AFF1: variants seen among roughly 807,000 people sequenced by gnomAD.
AFF1 encodes ALF transcription elongation factor 1.
A neutral mutation model predicts 121.7 loss-of-function variants in AFF1; 48 were observed. That is an observed-to-expected ratio of 0.39 (90% CI 0.31 to 0.50). AFF1 has a LOEUF of 0.50. AFF1 is among the 20% of genes least tolerant of loss of function. The probability of loss-of-function intolerance (pLI) is 0.76; values close to 1 mark genes in which losing one functional copy is unlikely to be tolerated. For synonymous variants in AFF1, 613 were observed against 563.0 expected (o/e 1.09, Z -1.26); for missense variants, 1,523 against 1,511.7 (o/e 1.01, Z -0.12).
intron 2 of AFF1, among the ~76,000 whole-genome samples, chr4:87,037,514 T>C (rs1729686912): frequency 6.6e-6 from 1 of 152,102 alleles, no homozygotes; most frequent in South Asian, 2.1e-4. Context: ...GGTTTCACCA[T>C]GTTCGCCAGG....
At chr4:87,036,563 G>A (rs78277892) in intron 2 of AFF1, among the ~76,000 whole-genome samples, 67 of 152,184 alleles carry the variant, frequency 4.4e-4, no homozygotes, top group African/African-American at 1.4e-3. Context: ...CCTCTGTCAT[G>A]CTACTTTTCT....
At chr4:86,998,829 C>T (rs948869607) in intron 2 of AFF1, among the ~76,000 whole-genome samples, 3 of 152,154 alleles carry the variant, frequency 2.0e-5, no homozygotes, top group Admixed American at 1.3e-4. Flanking sequence ...AGAGAAGTAT[C>T]TAAAGTGAGC....
At chr4:86,944,095 G>T (rs1334143629) in intron 1 of AFF1, among the ~76,000 whole-genome samples, 1 of 146,668 alleles carries the variant, frequency 6.8e-6, no homozygotes, top group Non-Finnish European at 1.5e-5. Context: ...AGTGAGCCAT[G>T]ACTGTGCCAC....
chr4:87,011,543 C>T (rs1475571608), intron 2 of AFF1, among the ~76,000 whole-genome samples: 1 of 151,994 alleles, frequency 6.6e-6, no homozygotes, highest in Non-Finnish European at 1.5e-5. Flanking sequence ...TTCATGAATG[C>T]AAAGCAGCTT....
chr4:86,949,918 C>T (rs1037345553), intron 2 of AFF1: 13 of 1,613,918 alleles, frequency 8.1e-6, no homozygotes, highest in African/African-American at 2.7e-5. Context: ...GGATCTTCCG[C>T]GTCTTGGACC....
chr4:87,133,428 A>G (rs1426888009), intron 19 of AFF1, among the ~76,000 whole-genome samples: 1 of 152,210 alleles, frequency 6.6e-6, no homozygotes, highest in Non-Finnish European at 1.5e-5. Flanking sequence ...AGAGACTCCC[A>G]TATGGCCTCT....
At position 87,020,356 on chromosome 4, in the gene AFF1, G is replaced by T. The variant is rs1727772766; in HGVS notation, c.39-25810G>T. ...TTTTCAGAGTCCAGAGATAAATGTGGTTTTGTATCTTATTTCTGTATTCTT... is the reference window on the plus strand; with the variant it reads ...TTTTCAGAGTCCAGAGATAAATGTGTTTTTGTATCTTATTTCTGTATTCTT... On this transcript the variant is annotated intron_variant, in intron 2 of 20. Coordinates refer to ENST00000395146, the MANE Select transcript of AFF1 (RefSeq NM_001166693.3). Among the ~76,000 whole-genome samples, 4 of 152,196 alleles carry T rather than the reference G, an allele frequency of 2.6e-5. No individual in the cohort carries two copies. In the South Asian group the frequency reaches 8.3e-4, roughly 31 times the overall value.
At chr4:87,069,816 A>ATT (rs751029258) in intron 4 of AFF1, among the ~76,000 whole-genome samples, 24,074 of 121,190 alleles carry the variant, frequency 0.2, 3,273 homozygotes, top group Middle Eastern at 0.27. Context: ...ATCACTCAGG[A>ATT]TTTTTTTTTT....
At chr4:86,942,261 T>C (rs1720519022) in intron 1 of AFF1, among the ~76,000 whole-genome samples, 1 of 152,212 alleles carries the variant, frequency 6.6e-6, no homozygotes, top group African/African-American at 2.4e-5. Flanking sequence ...GTACGATATT[T>C]TACCAGCCCA....
In AFF1 at chr4:87,134,536, C is replaced by T; in HGVS notation, c.3377C>T (p.Ser1126Leu). 1 of 1,613,970 alleles carries T rather than the reference C, an allele frequency of 6.2e-7. No homozygotes were observed. Among genetic ancestry groups the T allele is most frequent in the Non-Finnish European group, 8.5e-7 (1 of 1,179,936 alleles). Residue 1126 changes from serine to leucine, a missense_variant, in exon 20 of 21, where the codon TCA becomes TTA. Around this residue, in one of 5 missense-constraint regions of AFF1, gnomAD observed 241 missense variants for 265.2 expected, o/e 0.91. Transcript: ENST00000395146. ...PSPASSVGSQ[S>L]SAGSVGSSGV... Reference sequence around the variant, plus strand: ...CCTGCCAGCTCCGTAGGGTCCCAGTCAAGTGCTGGCAGTGTGGGGAGCAGT... The same window carrying T: ...CCTGCCAGCTCCGTAGGGTCCCAGTTAAGTGCTGGCAGTGTGGGGAGCAGT...
chr4:87,127,663 T>G lies in AFF1; in HGVS notation c.2924T>G (p.Met975Arg). 6.2e-7 allele frequency: 1 copy of G among 1,614,130 alleles called. No individual in the cohort carries two copies. Among genetic ancestry groups the G allele is most frequent in the Non-Finnish European group, 8.5e-7 (1 of 1,180,014 alleles). Residue 975 changes from methionine (M) to arginine (R), a missense_variant, in exon 16 of 21, where the codon ATG becomes AGG. By Grantham distance (91) the Met-to-Arg change is moderately conservative. This residue lies in a region of AFF1 where 905 missense variants were observed against 842.5 expected (regional missense o/e 1.07). Transcript: ENST00000395146. ...KFDKQQADLH[M>R]REAKKMKQKA... ...TTCAGACAACAAGCAGACCTTCACATGAGGGAGGCAAAAAAGATGAAGCAG... is the reference window on the plus strand; with the variant it reads ...TTCAGACAACAAGCAGACCTTCACAGGAGGGAGGCAAAAAAGATGAAGCAG...
At chr4:87,059,015 T>G (rs1230834658) in intron 4 of AFF1, among the ~76,000 whole-genome samples, 1 of 152,222 alleles carries the variant, frequency 6.6e-6, no homozygotes, top group African/African-American at 2.4e-5. Flanking sequence ...TCTTCTACCT[T>G]TTTGTACGTG....
At chr4:86,982,878 A>G (rs11930536) in intron 2 of AFF1, among the ~76,000 whole-genome samples, 4,608 of 139,348 alleles carry the variant, frequency 0.033, 382 homozygotes, top group African/African-American at 0.12. Context: ...AAAAAAAAGG[A>G]AGCTTGTTTG....
At chr4:86,985,167 T>TAAAA (rs1724113403) in intron 2 of AFF1, among the ~76,000 whole-genome samples, 1 of 102,134 alleles carries the variant, frequency 9.8e-6, no homozygotes, top group Non-Finnish European at 1.9e-5. Context: ...ATATAATATA[T>TAAAA]ATAATATGTA....
At chr4:87,008,311 CTT>C (rs1726378414) in intron 2 of AFF1, among the ~76,000 whole-genome samples, 1 of 152,148 alleles carries the variant, frequency 6.6e-6, no homozygotes, top group African/African-American at 2.4e-5. Context: ...TCTCAGAAGA[CTT>C]AACACGTCTG....
intron 12 of AFF1, among the ~76,000 whole-genome samples, chr4:87,117,152 A>T (rs767275251): frequency 6.6e-6 from 1 of 152,210 alleles, no homozygotes; most frequent in Non-Finnish European, 1.5e-5. Flanking sequence ...GTGCAAATCT[A>T]GAAGTGCAGC....
At chr4:87,000,576 AAAAT>A (rs1342619574) in intron 2 of AFF1, among the ~76,000 whole-genome samples, 5 of 151,638 alleles carry the variant, frequency 3.3e-5, no homozygotes, top group Admixed American at 1.3e-4. Context: ...AAGTTATTCT[AAAAT>A]AAAACATTTA....
rs139239111 is a variant in AFF1 at position 87,126,162 on chromosome 4, G to A, written c.2637G>A (p.Ser879=). ...TGCTCCCCCCGCCACCCGTGTCCTCGTCCTCCCAGAAGCCAGCCAAGCCTG... is the reference window on the plus strand; with the variant it reads ...TGCTCCCCCCGCCACCCGTGTCCTCATCCTCCCAGAAGCCAGCCAAGCCTG... ...KEMLPPPPVS[S]SSQKPAKPAL... The change falls in exon 14 of 21, where the codon TCG becomes TCA. Residue 879 remains serine (S), a synonymous_variant. Transcript: ENST00000395146. The A allele has an allele frequency of 9.8e-3, 15,820 of 1,614,076 alleles. 101 individuals carry two copies. The highest frequency in any genetic ancestry group is 0.011 in the Middle Eastern group (69 of 6,062).
intron 2 of AFF1, among the ~76,000 whole-genome samples, chr4:87,008,326 G>C (rs1726381577): frequency 6.6e-6 from 1 of 152,178 alleles, no homozygotes; most frequent in African/African-American, 2.4e-5. Context: ...CACGTCTGAA[G>C]ACTCAGATCA....
Sources: gnomAD v4.1 joint callset for allele counts (sites outside exome capture counted in the v4.1 genomes callset) on GRCh38, gnomAD v4.1.1 for gene constraint, gnomAD v4.1.1 regional missense constraint, MANE v1.5 for transcripts, NCBI Gene and HGNC (gene_info 2026-07-23, HGNC 2026-07-21) for gene names.